IL1R1: variants seen among roughly 807,000 people sequenced by gnomAD.
IL1R1 encodes interleukin-1 receptor type 1.
A neutral mutation model predicts 50.2 loss-of-function variants in IL1R1; 22 were observed. That is an observed-to-expected ratio of 0.44 (90% CI 0.31 to 0.63). IL1R1 has a LOEUF of 0.63. Ranked by LOEUF, IL1R1 falls within the 20% of genes least tolerant of loss-of-function variation. The pLI, the probability that IL1R1 is intolerant of heterozygous loss-of-function variation, is 0.07. For missense variants in IL1R1, 509 were observed against 676.2 expected (o/e 0.75, Z 2.74); for synonymous variants, 251 against 236.7 (o/e 1.06, Z -0.55).
intron 1 of IL1R1, among the ~76,000 whole-genome samples, chr2:102,090,478 C>T (rs1413722879): frequency 2.6e-5 from 4 of 152,110 alleles, no homozygotes; most frequent in African/African-American, 9.6e-5. Flanking sequence ...TCATGCATAT[C>T]TCTTACGCTC....
At chr2:102,108,336 G>A (rs562075794) in intron 1 of IL1R1, among the ~76,000 whole-genome samples, 39 of 151,970 alleles carry the variant, frequency 2.6e-4, no homozygotes, top group Non-Finnish European at 2.2e-4. Flanking sequence ...ATACATTTTA[G>A]ATTAAAAAGA....
Position 102,174,571 on chromosome 2 carries a change from T to C in IL1R1, c.992-16T>C. The C allele has an allele frequency of 6.5e-7, 1 of 1,538,314 alleles. No individual in the cohort carries two copies. Among genetic ancestry groups the C allele is most frequent in the East Asian group, 2.3e-5 (1 of 43,008 alleles). On this transcript the variant is annotated splice_polypyrimidine_tract_variant and intron_variant, in intron 9 of 11. Transcript: ENST00000410023. Reference sequence around the variant, plus strand: ...GTTCTAATATTTTTTCTCCTTTTTTTTTCTTTTTGCTATAGTCACTAATTT... The same window carrying C: ...GTTCTAATATTTTTTCTCCTTTTTTCTTCTTTTTGCTATAGTCACTAATTT...
rs527383427 is a variant in IL1R1 at position 102,156,799 on chromosome 2, C to T, written c.-6-920C>T. Among the ~76,000 whole-genome samples, 5 of 152,306 alleles carry T rather than the reference C, an allele frequency of 3.3e-5. No homozygotes were observed. In the South Asian group the frequency reaches 1.0e-3, roughly 32 times the overall value. On this transcript the variant is annotated intron_variant, in intron 2 of 11. Transcript: ENST00000410023. ...AAGTACTGGGATTACAGGGGTAAAC[C>T]ACCACACCTGACCATAATACATCTT...
At chr2:102,075,062 G>A (rs1678903050) in intron 1 of IL1R1, among the ~76,000 whole-genome samples, 1 of 151,822 alleles carries the variant, frequency 6.6e-6, no homozygotes, top group Non-Finnish European at 1.5e-5. Context: ...TTTTTGAGTT[G>A]GACCTTGGCA....
At chr2:102,090,144 T>A (rs936300676) in intron 1 of IL1R1, among the ~76,000 whole-genome samples, 1 of 151,300 alleles carries the variant, frequency 6.6e-6, no homozygotes, top group Non-Finnish European at 1.5e-5. Flanking sequence ...TATCCTTTTT[T>A]TTTCAATTTT....
At chr2:102,127,920 C>A (rs377321249) in intron 1 of IL1R1, among the ~76,000 whole-genome samples, 36 of 152,234 alleles carry the variant, frequency 2.4e-4, no homozygotes, top group African/African-American at 8.2e-4. Flanking sequence ...TCTGAGTTTA[C>A]GTAAAGAATC....
rs137917843 is a variant in IL1R1, at chr2:102,172,460, A to C, written c.840-227A>C. 3.7e-4 allele frequency: 366 copies of C among 978,470 alleles called. No homozygotes were observed. The African/African-American group carries it at 4.5e-3, about 12-fold the overall frequency. 60.6% of individuals were successfully genotyped at this position (978,470 alleles called of 1,614,324 possible). On this transcript the variant is annotated intron_variant, in intron 8 of 11. Coordinates refer to ENST00000410023, the MANE Select transcript of IL1R1 (RefSeq NM_000877.4). ...TACATTTTTCTTCTTGGAAGTGGTAATTTTTTTGCTTTCTCTGCTACTGAG... is the reference window on the plus strand; with the variant it reads ...TACATTTTTCTTCTTGGAAGTGGTACTTTTTTTGCTTTCTCTGCTACTGAG...
intron 1 of IL1R1, among the ~76,000 whole-genome samples, chr2:102,146,160 A>G (rs1299656137): frequency 2.0e-5 from 3 of 152,134 alleles, no homozygotes; most frequent in African/African-American, 7.2e-5. Context: ...GTCTCTGCAC[A>G]TTTGGCGTCC....
At position 102,157,797 on chromosome 2, in the gene IL1R1, A is replaced by G; in HGVS notation, c.61+12A>G. On this transcript the variant is annotated intron_variant, in intron 3 of 11. Transcript: ENST00000410023. ...TTCTCTGGAGGCTGGTAAGTTAAGT[A>G]TTTCTTTGTGTTCTTGTCTGCTAAG... 6.4e-7 allele frequency: 1 copy of G among 1,561,402 alleles called. No homozygotes were observed. The highest frequency in any genetic ancestry group is 8.8e-7 in the Non-Finnish European group (1 of 1,133,312).
intron 1 of IL1R1, among the ~76,000 whole-genome samples, chr2:102,130,590 T>C (rs1388596621): frequency 6.7e-6 from 1 of 149,932 alleles, no homozygotes; most frequent in Non-Finnish European, 1.5e-5. Flanking sequence ...CTGTCCTTTA[T>C]CTGACATTGT....
At chr2:102,100,956 C>A (rs1680115361), upstream of IL1R1, among the ~76,000 whole-genome samples, 1 of 152,116 alleles carries the variant, frequency 6.6e-6, no homozygotes, top group South Asian at 2.1e-4. Context: ...AGGGCCTGAC[C>A]ACAAAGGTTA....
chr2:102,175,794 T>G lies in IL1R1; in HGVS notation c.1303+149T>G, dbSNP rs563155229. 7.5e-5 allele frequency: 54 copies of G among 722,264 alleles called. No individual in the cohort carries two copies. The South Asian group carries it at 8.6e-4, about 11-fold the overall frequency. 44.7% of individuals were successfully genotyped at this position (722,264 alleles called of 1,614,324 possible). On this transcript the variant is annotated intron_variant, in intron 11 of 11. Coordinates refer to ENST00000410023, the MANE Select transcript of IL1R1 (RefSeq NM_000877.4). The stretch of plus-strand genomic sequence containing the variant: ...CAGAAGTGTATGATGATTTTTACAT[T>G]TATTAAATGCATTTACTTCTCTCAT...
chr2:102,093,840 C>T (rs1049799384), intron 1 of IL1R1, among the ~76,000 whole-genome samples: 2 of 149,262 alleles, frequency 1.3e-5, no homozygotes, highest in Non-Finnish European at 3.0e-5. Context: ...TCTGAGTGTC[C>T]GAGGAGACAC....
rs1432546930 is a variant in IL1R1, at chr2:102,174,583, A to G, written c.992-4A>G. On this transcript the variant is annotated splice_polypyrimidine_tract_variant and splice_region_variant and intron_variant, in intron 9 of 11. Transcript: ENST00000410023. ...TTTCTCCTTTTTTTTTCTTTTTGCT[A>G]TAGTCACTAATTTCCAGAAGCACAT... 13 of 1,549,884 alleles carry G rather than the reference A, an allele frequency of 8.4e-6. 1 individual carries two copies. Among genetic ancestry groups the G allele is most frequent in the African/African-American group, 7.0e-5 (5 of 71,166 alleles).
chr2:102,071,272 T>C lies in IL1R1; in HGVS notation c.-84+739T>C, dbSNP rs528162413. Among the ~76,000 whole-genome samples the C allele has an allele frequency of 2.9e-3, 446 of 152,324 alleles. 5 individuals carry two copies. Among genetic ancestry groups the C allele is most frequent in the African/African-American group, 9.4e-3 (391 of 41,588 alleles). ...TTCTGATTCTAATTTATATCAAATTTATATCTCTATCTGTAGCTCAATTTG... is the reference window on the plus strand; with the variant it reads ...TTCTGATTCTAATTTATATCAAATTCATATCTCTATCTGTAGCTCAATTTG... On this transcript the variant is annotated intron_variant, in intron 1 of 11. Transcript: ENST00000409929.
At chr2:102,082,968 A>G (rs1679279667) in intron 1 of IL1R1, among the ~76,000 whole-genome samples, 1 of 152,184 alleles carries the variant, frequency 6.6e-6, no homozygotes, top group Admixed American at 6.5e-5. Context: ...ACCTCAGCCA[A>G]TTTTATGAAC....
At chr2:102,072,588 TTTGCTTA>T (rs1331061469) in intron 1 of IL1R1, among the ~76,000 whole-genome samples, 1 of 152,198 alleles carries the variant, frequency 6.6e-6, no homozygotes, top group Non-Finnish European at 1.5e-5. Context: ...CTTTTTGCTT[TTTGCTTA>T]TTGCTTTTTG....
intron 1 of IL1R1, among the ~76,000 whole-genome samples, chr2:102,106,058 C>A (rs1680392535): frequency 6.6e-6 from 1 of 152,156 alleles, no homozygotes; most frequent in Non-Finnish European, 1.5e-5. Context: ...GCTTATCATT[C>A]AATTCAATTT....
rs55928248 is a variant in IL1R1, at chr2:102,078,304, T to C, written c.-84+7771T>C. ...TCTTCTCTGAAAAGATAAACAAAAC[T>C]GGCAAAGCATTCACTGGACTGATCA... On this transcript the variant is annotated intron_variant, in intron 1 of 11. Transcript: ENST00000409929. Among the ~76,000 whole-genome samples the C allele has an allele frequency of 7.8e-3, 1,184 of 152,036 alleles. 15 individuals are homozygous for C. Among genetic ancestry groups the C allele is most frequent in the African/African-American group, 0.027 (1,135 of 41,510 alleles).
Sources: allele counts gnomAD v4.1 joint callset (sites outside exome capture counted in the v4.1 genomes callset), GRCh38; gene constraint gnomAD v4.1.1; transcripts MANE v1.5; gene names NCBI Gene and HGNC (gene_info 2026-07-23, HGNC 2026-07-21).